The following RBFOX1 variants were observed in gnomAD, a reference collection of about 807,000 sequenced individuals.
RBFOX1 encodes the protein RNA binding protein fox-1 homolog 1.
RBFOX1 carries 8 observed loss-of-function variants against 57.7 expected under a neutral mutation model. That is an observed-to-expected ratio of 0.14 (90% CI 0.08 to 0.25). RBFOX1 has a LOEUF of 0.25. RBFOX1 is among the 10% of genes least tolerant of loss of function. The probability of loss-of-function intolerance (pLI) is 1.00; values close to 1 mark genes in which losing one functional copy is unlikely to be tolerated. For missense variants in RBFOX1, 611 were observed against 548.5 expected, an observed-to-expected ratio of 1.11 and a Z score of -1.14; for synonymous variants, 326 against 222.4, an observed-to-expected ratio of 1.47 and a Z score of -4.15.
rs917478806 is a variant in RBFOX1 at position 6,443,394 on chromosome 16, A to G, written c.-64+126337A>G. On this transcript the variant is annotated intron_variant, in intron 2 of 15. Transcript: ENST00000550418. Reference sequence around the variant, plus strand: ...TATTTCTTCTGTTGCTCATTTTCCCATCCCCCCCATCCTGGCCAAGCATGC... The same window carrying G: ...TATTTCTTCTGTTGCTCATTTTCCCGTCCCCCCCATCCTGGCCAAGCATGC... Among the ~76,000 whole-genome samples, 6 of 145,890 alleles carry G rather than the reference A, an allele frequency of 4.1e-5. No homozygotes were observed. In the East Asian group the frequency reaches 5.9e-4, roughly 14 times the overall value.
intron 4 of RBFOX1, among the ~76,000 whole-genome samples, chr16:7,415,631 A>G (rs942626798): frequency 2.0e-5 from 3 of 152,180 alleles, no homozygotes; most frequent in Non-Finnish European, 4.4e-5. Flanking sequence ...GTAGGTTCCC[A>G]GCATTGTATT....
At chr16:5,493,757 G>C (rs1361907721) in intron 2 of RBFOX1, among the ~76,000 whole-genome samples, 1 of 152,196 alleles carries the variant, frequency 6.6e-6, no homozygotes, top group Admixed American at 6.5e-5. Flanking sequence ...TGAAAACTTT[G>C]TCTTCACTTC....
At chr16:6,588,479 C>T (rs1168598530) in intron 2 of RBFOX1, among the ~76,000 whole-genome samples, 1 of 151,986 alleles carries the variant, frequency 6.6e-6, no homozygotes, top group East Asian at 1.9e-4. Context: ...ATGACAAAAC[C>T]TCGCATACAC....
At chr16:7,037,299 C>A (rs1356814166) in intron 3 of RBFOX1, among the ~76,000 whole-genome samples, 3 of 143,310 alleles carry the variant, frequency 2.1e-5, no homozygotes, top group Admixed American at 7.3e-5. Flanking sequence ...GAGTGTGCAC[C>A]GGCACAATCT....
rs978547718 is a variant in RBFOX1, at chr16:6,547,128, C to T, written c.-63-107475C>T. Reference sequence around the variant, plus strand: ...TGCATTGAGAATAAAGTATCTGGCGCTCTTTTACTAAGATGCAAGCCATTC... The same window carrying T: ...TGCATTGAGAATAAAGTATCTGGCGTTCTTTTACTAAGATGCAAGCCATTC... On this transcript the variant is annotated intron_variant, in intron 2 of 15. Transcript: ENST00000550418. Among the ~76,000 whole-genome samples the T allele has an allele frequency of 6.6e-5, 10 of 152,320 alleles. 1 individual carries two copies. Among genetic ancestry groups the T allele is most frequent in the Admixed American group, 2.0e-4 (3 of 15,294 alleles).
intron 1 of RBFOX1, among the ~76,000 whole-genome samples, chr16:5,437,702 C>CA (rs1211496850): frequency 6.6e-6 from 1 of 152,106 alleles, no homozygotes; most frequent in Non-Finnish European, 1.5e-5. Flanking sequence ...TTTATGCCTA[C>CA]AAAAAAATAT....
intron 4 of RBFOX1, among the ~76,000 whole-genome samples, chr16:7,500,358 A>G (rs1318548956): frequency 1.3e-5 from 2 of 152,154 alleles, no homozygotes; most frequent in African/African-American, 4.8e-5. Flanking sequence ...GTTGGGTTGT[A>G]CTGAATTTGT....
chr16:6,859,155 A>ATATATATACG lies in RBFOX1; in HGVS notation c.-15-192893_-15-192884dup, dbSNP rs2058512269. ...CATATATATACGTATATATATATGT[A>ATATATATACG]TATATATACGTATATATATGTATAT... On this transcript the variant is annotated intron_variant, in intron 3 of 15. Coordinates refer to ENST00000550418, the MANE Select transcript of RBFOX1 (RefSeq NM_018723.4). Among the ~76,000 whole-genome samples the ATATATATACG allele has an allele frequency of 1.8e-4, 11 of 60,238 alleles. 1 individual carries two copies. The East Asian group carries it at 5.0e-3, about 27-fold the overall frequency. 39.5% of individuals were successfully genotyped at this position (60,238 alleles called of 152,430 possible). A position where few individuals can be genotyped will look rare whatever the true frequency, so the allele number is the denominator to read the frequency against.
intron 4 of RBFOX1, among the ~76,000 whole-genome samples, chr16:7,360,902 T>G (rs1227424352): frequency 6.6e-6 from 1 of 152,242 alleles, no homozygotes; most frequent in Non-Finnish European, 1.5e-5. Flanking sequence ...TCCCTGAATG[T>G]ATCCTTATCC....
chr16:6,663,818 A>G (rs1405624210), intron 3 of RBFOX1, among the ~76,000 whole-genome samples: 2 of 152,168 alleles, frequency 1.3e-5, no homozygotes, highest in African/African-American at 2.4e-5. Flanking sequence ...TGGGGTGGAG[A>G]GCATCCTGGG....
intron 2 of RBFOX1, among the ~76,000 whole-genome samples, chr16:6,627,103 C>T (rs2098320376): frequency 6.6e-6 from 1 of 152,192 alleles, no homozygotes; most frequent in African/African-American, 2.4e-5. Context: ...CCGCTGAACA[C>T]AAAGTCCTAT....
intron 3 of RBFOX1, among the ~76,000 whole-genome samples, chr16:6,818,159 A>G (rs750886801): frequency 7.8e-4 from 118 of 152,154 alleles, no homozygotes; most frequent in Non-Finnish European, 1.3e-3. Context: ...GTAGAGTACC[A>G]GGCATATGGC....
intron 4 of RBFOX1, among the ~76,000 whole-genome samples, chr16:7,123,238 TAA>T (rs1419022823): frequency 6.6e-6 from 1 of 152,196 alleles, no homozygotes; most frequent in East Asian, 1.9e-4. Flanking sequence ...TATATGAGGA[TAA>T]AGTCTCTGCA....
At chr16:5,482,785 G>C (rs762130324) in intron 2 of RBFOX1, among the ~76,000 whole-genome samples, 5 of 152,164 alleles carry the variant, frequency 3.3e-5, no homozygotes, top group Non-Finnish European at 7.3e-5. Flanking sequence ...TATTGCCTCT[G>C]GGCAAACGGC....
chr16:7,098,869 C>G (rs2062151303), intron 4 of RBFOX1, among the ~76,000 whole-genome samples: 1 of 152,102 alleles, frequency 6.6e-6, no homozygotes, highest in South Asian at 2.1e-4. Context: ...GGTCCTTATC[C>G]TATTTTTTGC....
intron 4 of RBFOX1, among the ~76,000 whole-genome samples, chr16:7,323,380 T>C (rs1380255049): frequency 6.6e-6 from 1 of 152,204 alleles, no homozygotes. Context: ...GCTATGATCA[T>C]GCCACTGCCT....
intron 3 of RBFOX1, among the ~76,000 whole-genome samples, chr16:6,989,771 A>G (rs1260379425): frequency 3.9e-5 from 6 of 152,108 alleles, no homozygotes; most frequent in African/African-American, 1.4e-4. Flanking sequence ...AGGCTAAGGC[A>G]GGTGGATCAC....
chr16:7,077,063 G>C (rs1165783190), intron 4 of RBFOX1, among the ~76,000 whole-genome samples: 2 of 152,220 alleles, frequency 1.3e-5, no homozygotes, highest in African/African-American at 4.8e-5. Context: ...CGAGACCTCA[G>C]AGGTTTTCTT....
intron 3 of RBFOX1, among the ~76,000 whole-genome samples, chr16:6,940,148 C>T (rs150784546): frequency 2.5e-4 from 38 of 152,134 alleles, no homozygotes; most frequent in African/African-American, 5.8e-4. Flanking sequence ...GCCAAGATCA[C>T]GCTGCTCCAC....
Sources: allele counts gnomAD v4.1 joint callset (sites outside exome capture counted in the v4.1 genomes callset), GRCh38; gene constraint gnomAD v4.1.1; transcripts MANE v1.5; gene names NCBI Gene and HGNC (gene_info 2026-07-23, HGNC 2026-07-21).